The following SLC8A1 variants were observed in gnomAD, a reference collection of about 807,000 sequenced individuals.
The protein encoded by SLC8A1 is sodium/calcium exchanger 1.
A neutral mutation model predicts 68.3 loss-of-function variants in SLC8A1; 18 were observed. That is an observed-to-expected ratio of 0.26 (90% CI 0.18 to 0.39). The LOEUF is 0.39. Among genes scored for constraint, SLC8A1 ranks in the 10% least tolerant of loss-of-function variants. SLC8A1 has a pLI of 1.00. For missense variants in SLC8A1, 985 were observed against 1,156.7 expected, an observed-to-expected ratio of 0.85 and a Z score of 2.15; for synonymous variants, 475 against 415.5, an observed-to-expected ratio of 1.14 and a Z score of -1.74.
intron 2 of SLC8A1, among the ~76,000 whole-genome samples, chr2:40,316,270 G>C (rs181825767): frequency 6.6e-6 from 1 of 152,102 alleles, no homozygotes; most frequent in African/African-American, 2.4e-5. Flanking sequence ...AAACTGAAGA[G>C]AAGGCTTGCA....
rs191187925 is a variant in SLC8A1 at position 40,349,099 on chromosome 2, C to T, written c.1808+79374G>A. Among the ~76,000 whole-genome samples the T allele has an allele frequency of 4.5e-4, 68 of 152,258 alleles. 1 individual carries two copies. The highest frequency in any genetic ancestry group is 1.6e-3 in the African/African-American group (67 of 41,564). On this transcript the variant is annotated intron_variant, in intron 2 of 7. Coordinates refer to ENST00000406785, the Ensembl canonical transcript of SLC8A1. ...CTCCTTCATGCCCATTCTCATTCTT[C>T]AGGGGCTAACAGGGAAAGAATCCTT...
chr2:40,304,412 T>C (rs911351240), intron 2 of SLC8A1, among the ~76,000 whole-genome samples: 4 of 152,156 alleles, frequency 2.6e-5, no homozygotes, highest in African/African-American at 7.2e-5. Context: ...TACCACATTA[T>C]CAAGTCCTGG....
intron 4 of SLC8A1, among the ~76,000 whole-genome samples, chr2:40,167,980 C>A (rs2046829096): frequency 6.6e-6 from 1 of 152,134 alleles, no homozygotes; most frequent in African/African-American, 2.4e-5. Flanking sequence ...ATAGTAGGTG[C>A]TCAATAAGCA....
At position 40,416,622 on chromosome 2, in the gene SLC8A1, AAC is replaced by A. The variant is rs1693969962; in HGVS notation, c.1808+11849_1808+11850del. Among the ~76,000 whole-genome samples the A allele has an allele frequency of 2.0e-5, 3 of 152,090 alleles. No individual in the cohort carries two copies. The South Asian group carries it at 6.2e-4, about 32-fold the overall frequency. On this transcript the variant is annotated intron_variant, in intron 2 of 7. Coordinates refer to ENST00000406785, the Ensembl canonical transcript of SLC8A1. ...TCAATGCCTTAATGTTACTATCAAG[AAC>A]ACTGAAGTTCAGAGAAATGAAATGA...
At chr2:40,280,825 T>C (rs142163043) in intron 2 of SLC8A1, among the ~76,000 whole-genome samples, 1,729 of 152,326 alleles carry the variant, frequency 0.011, 13 homozygotes, top group Non-Finnish European at 0.017. Flanking sequence ...CAGGCAAAGG[T>C]GCTCTAGGCA....
intron 2 of SLC8A1, among the ~76,000 whole-genome samples, chr2:40,214,560 G>T (rs940630251): frequency 6.6e-6 from 1 of 150,886 alleles, no homozygotes; most frequent in South Asian, 2.1e-4. Context: ...TCCTGCCTCC[G>T]CCTCCCGAGT....
chr2:40,425,856 C>G (rs1696712789), intron 2 of SLC8A1, among the ~76,000 whole-genome samples: 1 of 151,902 alleles, frequency 6.6e-6, no homozygotes, highest in Admixed American at 6.6e-5. Context: ...CTCCATTTGA[C>G]CCAGCAATCC....
intron 2 of SLC8A1, among the ~76,000 whole-genome samples, chr2:40,325,777 CAAAAAA>C (rs3059526): frequency 1.3e-4 from 6 of 45,008 alleles, no homozygotes; most frequent in South Asian, 9.6e-4. Flanking sequence ...ACTAAAAATA[CAAAAAA>C]AAAAAAAAAA....
rs573112649 is a variant in SLC8A1 at position 40,313,627 on chromosome 2, T to G, written c.1808+114846A>C. Reference sequence around the variant, plus strand: ...TATATTGCCCAGACTGGTCTTGAACTGCTGGGTTCAAGCGAACCTCCCACC... The same window carrying G: ...TATATTGCCCAGACTGGTCTTGAACGGCTGGGTTCAAGCGAACCTCCCACC... On this transcript the variant is annotated intron_variant, in intron 2 of 7. Coordinates refer to ENST00000406785, the Ensembl canonical transcript of SLC8A1. Among the ~76,000 whole-genome samples the G allele has an allele frequency of 1.6e-4, 25 of 152,140 alleles. No individual in the cohort carries two copies. In the Middle Eastern group the frequency reaches 0.01, roughly 62 times the overall value.
intron 2 of SLC8A1, among the ~76,000 whole-genome samples, chr2:40,417,424 T>C (rs758948212): frequency 2.6e-5 from 4 of 152,148 alleles, no homozygotes; most frequent in Non-Finnish European, 5.9e-5. Flanking sequence ...TAATATTCAA[T>C]TTATTACAAC....
intron 2 of SLC8A1, among the ~76,000 whole-genome samples, chr2:40,339,270 T>C (rs1666967010): frequency 6.6e-6 from 1 of 152,224 alleles, no homozygotes; most frequent in Admixed American, 6.5e-5. Context: ...GATCAGAGTA[T>C]TCTGTTTAAA....
rs10180385 is a variant in SLC8A1 at position 40,185,564 on chromosome 2, T to C, written c.1809-7709A>G. Among the ~76,000 whole-genome samples, 1,186 of 152,130 alleles carry C rather than the reference T, an allele frequency of 7.8e-3. 11 individuals are homozygous for C. Among genetic ancestry groups the C allele is most frequent in the South Asian group, 0.015 (73 of 4,820 alleles). ...GGCAAATCCAGAGACAGAAAGCAGA[T>C]TAGTGATTGCCTCAAGCTGGGGACT... On this transcript the variant is annotated intron_variant, in intron 2 of 7. Coordinates refer to ENST00000406785, the Ensembl canonical transcript of SLC8A1.
chr2:40,165,610 G>A (rs2046416315), intron 4 of SLC8A1, among the ~76,000 whole-genome samples: 1 of 152,204 alleles, frequency 6.6e-6, no homozygotes, highest in African/African-American at 2.4e-5. Context: ...GCCAAAATTT[G>A]TTAGGAAAAC....
At chr2:40,191,415 A>G (rs2051813828) in intron 2 of SLC8A1, among the ~76,000 whole-genome samples, 1 of 152,248 alleles carries the variant, frequency 6.6e-6, no homozygotes, top group Non-Finnish European at 1.5e-5. Context: ...TCACAAGATA[A>G]AATCAGCAAG....
chr2:40,215,643 CAAAAAAAAAAAA>C (rs56191722), intron 2 of SLC8A1, among the ~76,000 whole-genome samples: 3 of 69,926 alleles, frequency 4.3e-5, no homozygotes, highest in African/African-American at 1.7e-4. Context: ...GACTCCGTCT[CAAAAAAAAAAAA>C]AAAAAAAAAA....
intron 2 of SLC8A1, among the ~76,000 whole-genome samples, chr2:40,311,097 TAATAG>T (rs1222143377): frequency 6.6e-6 from 1 of 152,130 alleles, no homozygotes; most frequent in African/African-American, 2.4e-5. Flanking sequence ...TTAAGTACAT[TAATAG>T]ATTAGTATCA....
chr2:40,241,552 G>T (rs1044016825), intron 2 of SLC8A1, among the ~76,000 whole-genome samples: 1 of 152,176 alleles, frequency 6.6e-6, no homozygotes, highest in Admixed American at 6.5e-5. Context: ...CCTGATATGT[G>T]ACCATAAATA....
chr2:40,462,106 G>A (rs770956982), intron 1 of SLC8A1, among the ~76,000 whole-genome samples: 1 of 144,264 alleles, frequency 6.9e-6, no homozygotes, highest in Non-Finnish European at 1.5e-5. Context: ...TCCTGGGTTC[G>A]AGCAATTCTC....
At chr2:40,311,685 C>G (rs545136865) in intron 2 of SLC8A1, among the ~76,000 whole-genome samples, 6 of 151,962 alleles carry the variant, frequency 3.9e-5, no homozygotes, top group Admixed American at 1.3e-4. Flanking sequence ...GATTTAGTTT[C>G]TATAATTTTT....
Sources: allele counts gnomAD v4.1 joint callset (sites outside exome capture counted in the v4.1 genomes callset), GRCh38; gene constraint gnomAD v4.1.1; transcripts MANE v1.5; gene names NCBI Gene and HGNC (gene_info 2026-07-23, HGNC 2026-07-21).